Variants in MX1 observed in about 807,000 individuals in gnomAD.
The protein encoded by MX1 is interferon-induced GTP-binding protein Mx1.
Under a neutral mutation model 66.4 loss-of-function variants are expected in MX1, and 66 were observed. The observed-to-expected ratio is 0.99, with a 90% CI of 0.82 to 1.22. The LOEUF (loss-of-function observed/expected upper bound fraction) is 1.22. MX1 is among the 50% of genes most tolerant of loss of function. MX1 has a pLI of 0.00. For missense variants in MX1, 787 were observed against 834.3 expected, an observed-to-expected ratio of 0.94 and a Z score of 0.70; for synonymous variants, 311 against 318.1, an observed-to-expected ratio of 0.98 and a Z score of 0.24.
chr21:41,425,499 C>T (rs1374067240), upstream of MX1, among the ~76,000 whole-genome samples: 1 of 152,176 alleles, frequency 6.6e-6, no homozygotes, highest in Admixed American at 6.5e-5. Context: ...TCTTCAGTTA[C>T]TTTAGGCCAT....
chr21:41,423,130 T>A (rs2090009837), upstream of MX1: 2 of 153,658 alleles, frequency 1.3e-5, no homozygotes, highest in Non-Finnish European at 2.9e-5. Flanking sequence ...GCGGGAACAA[T>A]GGCGAGCCTT....
chr21:41,424,262 T>TGTGTGTGTGTG (rs1568960663), upstream of MX1, among the ~76,000 whole-genome samples: 8 of 144,200 alleles, frequency 5.5e-5, no homozygotes, highest in East Asian at 4.3e-4. Flanking sequence ...TGTGTGTGTG[T>TGTGTGTGTGTG]TAAAGTGAGG....
rs2090383121 is a variant in MX1, at chr21:41,437,016, G to T, written c.300G>T (p.Gly100=). The T allele has an allele frequency of 6.2e-7, 1 of 1,613,752 alleles. No individual in the cohort carries two copies. Among genetic ancestry groups the T allele is most frequent in the Admixed American group, 1.7e-5 (1 of 60,004 alleles). ...ACTGATGTGGGCGTGGCCTCCTAGG[G>T]ATCGTGACCAGATGCCCGCTGGTGC... ...LSGVALPRGS[G]IVTRCPLVLK... is the part of the protein sequence containing the mutation. The change falls in exon 7 of 17, where the codon GGG becomes GGT. Residue 100 remains glycine, a splice_region_variant and synonymous_variant. Coordinates refer to ENST00000398598, the MANE Select transcript of MX1 (RefSeq NM_002462.5).
chr21:41,432,617 C>G (rs1161677478), intron 5 of MX1, among the ~76,000 whole-genome samples: 1 of 152,206 alleles, frequency 6.6e-6, no homozygotes, highest in Admixed American at 6.5e-5. Context: ...AATCATGGCC[C>G]CTGGAATCAG....
intron 11 of MX1, among the ~76,000 whole-genome samples, chr21:41,444,211 T>G (rs1008615963): frequency 2.0e-5 from 3 of 152,280 alleles, no homozygotes; most frequent in Non-Finnish European, 4.4e-5. Context: ...AATGAACATA[T>G]TTTTTAACTT....
Position 41,449,137 on chromosome 21 carries a change from G to C in MX1, c.1274G>C (p.Gly425Ala). Residue 425 changes from glycine to alanine, a missense_variant and splice_region_variant, in exon 14 of 17, where the codon GGC becomes GCC. Gly to Ala is a moderately conservative substitution (Grantham distance 60). Coordinates refer to ENST00000398598, the MANE Select transcript of MX1 (RefSeq NM_002462.5). ...STIIENNFQEGHKILSRKIQK... is the reference protein window; with the variant it reads ...STIIENNFQEAHKILSRKIQK... ...TAGAGGGTTTTTTTTCCTGCTATAG[G>C]CCATAAAATTTTGAGTAGAAAAATC... 1 of 1,607,732 alleles carries C rather than the reference G, an allele frequency of 6.2e-7. No individual in the cohort carries two copies. The highest frequency in any genetic ancestry group is 8.5e-7 in the Non-Finnish European group (1 of 1,177,640).
intron 5 of MX1, among the ~76,000 whole-genome samples, chr21:41,434,798 A>T (rs1286218555): frequency 6.6e-6 from 1 of 152,216 alleles, no homozygotes; most frequent in Non-Finnish European, 1.5e-5. Flanking sequence ...ATGTTCAAAC[A>T]TTCAATTATC....
At chr21:41,421,067 G>T (rs962430377) in intron 1 of MX1, among the ~76,000 whole-genome samples, 1 of 152,236 alleles carries the variant, frequency 6.6e-6, no homozygotes, top group Non-Finnish European at 1.5e-5. Context: ...GTGTTTCTCC[G>T]AGAGGGGGAT....
upstream of MX1, among the ~76,000 whole-genome samples, chr21:41,424,528 C>A (rs903332935): frequency 1.3e-5 from 2 of 152,056 alleles, no homozygotes; most frequent in African/African-American, 4.8e-5. Flanking sequence ...TGGGGGTGAC[C>A]CTTCCTAATC....
At chr21:41,443,742 G>A (rs1310991153) in intron 10 of MX1, 46 bp from the exon 11 acceptor site, 1 of 1,588,148 alleles carries the variant, frequency 6.3e-7, no homozygotes, top group Non-Finnish European at 8.6e-7. Context: ...AGACATGCGT[G>A]TTCTGGCTAC....
upstream of MX1, among the ~76,000 whole-genome samples, chr21:41,424,461 G>C (rs1374672796): frequency 1.3e-5 from 2 of 152,328 alleles, no homozygotes; most frequent in Non-Finnish European, 2.9e-5. Flanking sequence ...ATTCCATCCA[G>C]GTTTCCCCTG....
intron 13 of MX1, among the ~76,000 whole-genome samples, chr21:41,448,411 C>A (rs2090724426): frequency 6.6e-6 from 1 of 152,186 alleles, no homozygotes; most frequent in Non-Finnish European, 1.5e-5. Flanking sequence ...ATGCTCATTT[C>A]TAATGGGCAT....
chr21:41,457,804 C>G (rs1171809475), intron 16 of MX1, among the ~76,000 whole-genome samples: 2 of 152,132 alleles, frequency 1.3e-5, no homozygotes, highest in South Asian at 2.1e-4. Context: ...TCTCCAGGAC[C>G]CTATCACCTT....
chr21:41,444,759 C>T (rs1156874702), intron 11 of MX1, among the ~76,000 whole-genome samples: 1 of 152,108 alleles, frequency 6.6e-6, no homozygotes, highest in African/African-American at 2.4e-5. Context: ...AAGTCAGGTT[C>T]ATAAGTTCCC....
At chr21:41,438,802 G>A (rs763327796) in intron 7 of MX1, among the ~76,000 whole-genome samples, 42 of 152,176 alleles carry the variant, frequency 2.8e-4, no homozygotes, top group Admixed American at 7.9e-4. Flanking sequence ...GTCTGAAGGC[G>A]GGCAGACCAG....
intron 5 of MX1, among the ~76,000 whole-genome samples, chr21:41,434,326 AT>A (rs1018997604): frequency 7.2e-5 from 11 of 152,150 alleles, no homozygotes; most frequent in Non-Finnish European, 1.3e-4. Context: ...GTACTTCACT[AT>A]TTTGATTACT....
chr21:41,443,739 C>G, intron 10 of MX1, 49 bp from the exon 11 acceptor site: 1 of 1,570,460 alleles, frequency 6.4e-7, no homozygotes, highest in Non-Finnish European at 8.8e-7. Flanking sequence ...GGCAGACATG[C>G]GTGTTCTGGC....
upstream of MX1, chr21:41,422,192 C>G (rs915345758): frequency 2.0e-5 from 3 of 152,356 alleles, no homozygotes; most frequent in Non-Finnish European, 4.4e-5. Context: ...AATAAAGAAG[C>G]TGGTTAAAAC....
intron 15 of MX1, among the ~76,000 whole-genome samples, chr21:41,452,146 C>T (rs1302574800): frequency 6.6e-6 from 1 of 152,196 alleles, no homozygotes; most frequent in Non-Finnish European, 1.5e-5. Context: ...TGTGCCTCTC[C>T]TCAAGGCCTG....
Sources: gnomAD v4.1 joint callset for allele counts (sites outside exome capture counted in the v4.1 genomes callset) on GRCh38, gnomAD v4.1.1 for gene constraint, MANE v1.5 for transcripts, NCBI Gene and HGNC (gene_info 2026-07-23, HGNC 2026-07-21) for gene names.